Variants in IPO11 observed in about 807,000 individuals in gnomAD.
IPO11 encodes the protein importin 11, also known as importin-11.
Under a neutral mutation model 143.2 loss-of-function variants are expected in IPO11, and 66 were observed. The observed-to-expected ratio is 0.46, with a 90% confidence interval of 0.38 to 0.57. The LOEUF (loss-of-function observed/expected upper bound fraction) is 0.57, where lower values mean the gene tolerates loss of function less well. Ranked by LOEUF, IPO11 falls within the 20% of genes least tolerant of loss-of-function variation. The probability of loss-of-function intolerance (pLI) is 0.00; values close to 1 mark genes in which losing one functional copy is unlikely to be tolerated. For synonymous variants in IPO11, 385 were observed against 377.8 expected, an observed-to-expected ratio of 1.02 and a Z score of -0.22; for missense variants, 1,026 against 1,141.0, an observed-to-expected ratio of 0.90 and a Z score of 1.45.
chr5:62,544,705 T>G (rs1743092858), intron 24 of IPO11, among the ~76,000 whole-genome samples: 1 of 152,122 alleles, frequency 6.6e-6, no homozygotes, highest in African/African-American at 2.4e-5. Context: ...GAAAACCCCA[T>G]CATCTCAGCC....
chr5:62,526,062 T>C lies in IPO11; in HGVS notation c.1897-80T>C. 4.2e-5 allele frequency: 36 copies of C among 851,564 alleles called. No individual in the cohort carries two copies. The South Asian group carries it at 5.3e-4, about 13-fold the overall frequency. The allele number at this position is 851,564 out of a possible 1,614,324, so 52.8% of individuals were successfully genotyped here. On this transcript the variant is annotated intron_variant, in intron 20 of 29. Coordinates refer to ENST00000325324, the MANE Select transcript of IPO11 (RefSeq NM_016338.5). ...CATTTTTTTAATTGGTTTTAGGGCT[T>C]TTTGTATGATAGGTAATTTTTTGGT...
intron 19 of IPO11, among the ~76,000 whole-genome samples, chr5:62,514,521 C>T (rs1253818823): frequency 5.9e-4 from 88 of 150,336 alleles, no homozygotes; most frequent in African/African-American, 2.2e-3. Context: ...AGGGAGGCTG[C>T]AGAGAGCCGA....
chr5:62,419,140 G>A (rs1347078087), intron 1 of IPO11: 3 of 1,547,020 alleles, frequency 1.9e-6, no homozygotes, highest in Admixed American at 3.9e-5. Flanking sequence ...AAGTATTTGT[G>A]TGTTTAAACA....
At chr5:62,536,629 A>T in intron 22 of IPO11, 73 bp from the exon 23 acceptor site, 2 of 1,503,748 alleles carry the variant, frequency 1.3e-6, no homozygotes, top group South Asian at 2.6e-5. Flanking sequence ...AATAACTATG[A>T]ATCACTTCAT....
At chr5:62,465,830 C>T (rs79503169) in intron 5 of IPO11, among the ~76,000 whole-genome samples, 1 of 152,290 alleles carries the variant, frequency 6.6e-6, no homozygotes, top group East Asian at 1.9e-4. Flanking sequence ...AAAGGAAGCA[C>T]CTACAGGTGC....
In IPO11 at chr5:62,536,686, TTTA is replaced by T. The variant is rs749509211; in HGVS notation, c.2090-13_2090-11del. The T allele has an allele frequency of 3.4e-5, 54 of 1,575,040 alleles. No homozygotes were observed. The highest frequency in any genetic ancestry group is 4.2e-5 in the African/African-American group (3 of 71,784). On this transcript the variant is annotated splice_polypyrimidine_tract_variant and intron_variant, in intron 22 of 29. Transcript: ENST00000325324. ...AATTAATTTGGTTTTTTGTTTGACATTTATTGTTTTGGCAGAACTAAGTTCAGA... is the reference window on the plus strand; with the variant it reads ...AATTAATTTGGTTTTTTGTTTGACATTTGTTTTGGCAGAACTAAGTTCAGA...
chr5:62,588,674 C>G (rs1297476021), intron 27 of IPO11, among the ~76,000 whole-genome samples: 1 of 152,180 alleles, frequency 6.6e-6, no homozygotes, highest in Middle Eastern at 3.2e-3. Context: ...CTTTAAACCC[C>G]GCATCCTCAA....
intron 1 of IPO11, among the ~76,000 whole-genome samples, chr5:62,413,772 C>G (rs1016963607): frequency 6.6e-6 from 1 of 152,186 alleles, no homozygotes; most frequent in Admixed American, 6.5e-5. Flanking sequence ...TTTTCCCCCT[C>G]CTGGGATAGG....
chr5:62,590,053 T>A (rs1258205245), intron 27 of IPO11, among the ~76,000 whole-genome samples: 1 of 152,166 alleles, frequency 6.6e-6, no homozygotes, highest in Non-Finnish European at 1.5e-5. Flanking sequence ...AGTATAAAGT[T>A]CTGGATTTCA....
chr5:62,571,239 G>T (rs972121827), intron 27 of IPO11, among the ~76,000 whole-genome samples: 4 of 152,052 alleles, frequency 2.6e-5, no homozygotes, highest in Admixed American at 2.6e-4. Flanking sequence ...ATACCAGAGA[G>T]AAAAATTTTC....
chr5:62,452,723 G>GGT (rs57057274), intron 5 of IPO11, among the ~76,000 whole-genome samples: 3,967 of 135,372 alleles, frequency 0.029, 96 homozygotes, highest in Non-Finnish European at 0.041. Context: ...TTTTTGGTGG[G>GGT]GTGTGTGTGT....
In IPO11 at chr5:62,482,916, A is replaced by C. The variant is rs927469709; in HGVS notation, c.829-185A>C. 7.9e-5 allele frequency among the ~76,000 whole-genome samples: 12 copies of C among 152,152 alleles called. No individual in the cohort carries two copies. In the East Asian group the frequency reaches 2.3e-3, roughly 29 times the overall value. On this transcript the variant is annotated intron_variant, in intron 9 of 29. Coordinates refer to ENST00000325324, the MANE Select transcript of IPO11 (RefSeq NM_016338.5). ...TTCTTATTATCAGATATAATCTAAC[A>C]TAATCCTCATTATATGATGTGCCTC...
At chr5:62,450,879 A>T (rs1369788280) in intron 4 of IPO11, among the ~76,000 whole-genome samples, 2 of 152,134 alleles carry the variant, frequency 1.3e-5, no homozygotes, top group African/African-American at 4.8e-5. Context: ...GTTATGCTTG[A>T]TTTTTTAAAT....
intron 5 of IPO11, among the ~76,000 whole-genome samples, chr5:62,461,539 C>G (rs1423682863): frequency 1.3e-5 from 2 of 152,310 alleles, no homozygotes; most frequent in East Asian, 1.9e-4. Context: ...AAGATAGTGC[C>G]GTTGCTTCTT....
chr5:62,448,577 G>T (rs1744799015), intron 3 of IPO11, among the ~76,000 whole-genome samples: 2 of 152,124 alleles, frequency 1.3e-5, no homozygotes, highest in Non-Finnish European at 2.9e-5. Context: ...TAGAGACAGG[G>T]TCTTGCTCCG....
At chr5:62,581,133 T>C (rs1350617682) in intron 27 of IPO11, 1 of 1,550,168 alleles carries the variant, frequency 6.5e-7, no homozygotes, top group Non-Finnish European at 8.7e-7. Flanking sequence ...CAAGGGAAAA[T>C]AGACTTGAAT....
chr5:62,579,437 A>G, intron 27 of IPO11: 1 of 1,550,596 alleles, frequency 6.4e-7, no homozygotes, highest in Non-Finnish European at 8.7e-7. Flanking sequence ...AAGAACAGGG[A>G]TATGTGTGGA....
rs374057736 is a variant in IPO11, at chr5:62,507,175, T to G, written c.1782+818T>G. Among the ~76,000 whole-genome samples the G allele has an allele frequency of 5.9e-5, 9 of 152,354 alleles. No homozygotes were observed. The East Asian group carries it at 9.6e-4, about 16-fold the overall frequency. On this transcript the variant is annotated intron_variant, in intron 19 of 29. Coordinates refer to ENST00000325324, the MANE Select transcript of IPO11 (RefSeq NM_016338.5). The stretch of plus-strand genomic sequence containing the variant: ...TTGAGGTAGAGGAGTTAGAATTTAT[T>G]GTCTCAAACAATTTGAGACTTGAAG...
At chr5:62,538,332 C>G (rs569468246) in intron 24 of IPO11, among the ~76,000 whole-genome samples, 2 of 152,176 alleles carry the variant, frequency 1.3e-5, no homozygotes, top group African/African-American at 4.8e-5. Flanking sequence ...TACTTCATAA[C>G]TGATATGGTT....
Sources: allele counts gnomAD v4.1 joint callset (sites outside exome capture counted in the v4.1 genomes callset), GRCh38; gene constraint gnomAD v4.1.1; transcripts MANE v1.5; gene names NCBI Gene and HGNC (gene_info 2026-07-23, HGNC 2026-07-21).